Variants in OPN1LW observed in about 807,000 individuals in gnomAD.
OPN1LW encodes long-wave-sensitive opsin 1.
Under a neutral mutation model 18.1 loss-of-function variants are expected in OPN1LW, and 4 were observed. The observed-to-expected ratio is 0.22, with a 90% CI of 0.11 to 0.51. The LOEUF is 0.51. Ranked by LOEUF, OPN1LW falls within the 20% of genes least tolerant of loss-of-function variation. The probability of loss-of-function intolerance (pLI) is 0.97; values close to 1 mark genes in which losing one functional copy is unlikely to be tolerated. For missense variants in OPN1LW, 164 were observed against 234.9 expected (o/e 0.70, Z 1.97); for synonymous variants, 86 against 101.2 (o/e 0.85, Z 0.90).
intron 3 of OPN1LW, 134 bp from the exon 4 acceptor site, chrX:154,154,440 G>T: frequency 2.2e-6 from 1 of 458,082 alleles, no homozygotes; most frequent in Non-Finnish European, 3.8e-6. Context: ...ACTTCAAATT[G>T]GGTAATCTCA....
In OPN1LW at chrX:154,144,259, G is replaced by T; in HGVS notation, c.-25G>T. On this transcript the variant is annotated 5_prime_UTR_variant, in exon 1 of 6. Transcript: ENST00000369951. ...AGGTGATGCGCCAGGGCCGGCTGCC[G>T]TCGGGGACAGGGCTTTCCATAGCCA... 8.3e-7 allele frequency: 1 copy of T among 1,209,376 alleles called. No individual in the cohort carries two copies. The highest frequency in any genetic ancestry group is 1.1e-6 in the Non-Finnish European group (1 of 894,934).
chrX:154,150,873 C>T lies in OPN1LW; in HGVS notation c.330C>T (p.Ser110=). ...LAETVIASTI[S]IVNQVSGYFV... is the part of the protein sequence containing the mutation. ...AGACCGTCATCGCCAGCACTATCAGCATTGTGAACCAGGTCTCTGGCTACT... is the reference window on the plus strand; with the variant it reads ...AGACCGTCATCGCCAGCACTATCAGTATTGTGAACCAGGTCTCTGGCTACT... Residue 110 remains serine, a synonymous_variant, in exon 2 of 6, where the codon AGC becomes AGT. Coordinates refer to ENST00000369951, the MANE Select transcript of OPN1LW (RefSeq NM_020061.6). 1.7e-6 allele frequency: 2 copies of T among 1,195,335 alleles called. No individual in the cohort carries two copies. The highest frequency in any genetic ancestry group is 2.2e-5 in the Admixed American group (1 of 45,545).
rs121434621 is a variant in OPN1LW, at chrX:154,154,602, T to C, written c.607T>C (p.Cys203Arg). ...RYWPHGLKTS[C>R]GPDVFSGSSY... ...CTGGCCCCACGGCCTGAAGACTTCA[T>C]GCGGCCCAGACGTGTTCAGCGGCAG... is the stretch of plus-strand genomic sequence containing the variant. The change falls in exon 4 of 6, where the codon TGC becomes CGC. Residue 203 changes from cysteine (C) to arginine (R), a missense_variant. Coordinates refer to ENST00000369951, the MANE Select transcript of OPN1LW (RefSeq NM_020061.6). The C allele has an allele frequency of 8.5e-7, 1 of 1,180,190 alleles. No individual in the cohort carries two copies. Among genetic ancestry groups the C allele is most frequent in the Non-Finnish European group, 1.1e-6 (1 of 874,743 alleles).
rs782783784 is a variant in OPN1LW, at chrX:154,156,350, G to A, written c.801G>A (p.Thr267=). The change falls in exon 5 of 6, where the codon ACG becomes ACA. Residue 267 remains threonine, a synonymous_variant. Transcript: ENST00000369951. ...ESTQKAEKEV[T]RMVVVMIFAY... is the part of the protein sequence containing the mutation. ...CCCAGAAGGCAGAGAAGGAAGTGAC[G>A]CGCATGGTGGTGGTGATGATCTTTG... The A allele has an allele frequency of 5.8e-6, 7 of 1,200,924 alleles. No individual in the cohort carries two copies. Among genetic ancestry groups the A allele is most frequent in the Non-Finnish European group, 7.9e-6 (7 of 889,525 alleles).
intron 4 of OPN1LW, 148 bp downstream of exon 4, chrX:154,154,887 G>T: frequency 2.4e-6 from 1 of 413,998 alleles, no homozygotes; most frequent in Non-Finnish European, 4.0e-6. Context: ...TTAAGATCCA[G>T]CGATGAGAAT....
rs2067081259 is a variant in OPN1LW at position 154,154,884 on chromosome X, C to G, written c.744+145C>G. ...TACCCCTATAAGAAAATATTAAGAT[C>G]CAGCGATGAGAATCAGGTGATTCCT... On this transcript the variant is annotated intron_variant, in intron 4 of 5. Coordinates refer to ENST00000369951, the MANE Select transcript of OPN1LW (RefSeq NM_020061.6). 3 of 419,472 alleles carry G rather than the reference C, an allele frequency of 7.2e-6. No individual in the cohort carries two copies. The Admixed American group carries it at 1.2e-4, about 16-fold the overall frequency. The allele number at this position is 419,472 out of a possible 1,213,427, so 34.6% of individuals were successfully genotyped here. A position where few individuals can be genotyped will look rare whatever the true frequency, so the allele number is the denominator to read the frequency against.
chrX:154,150,569 G>C (rs1328989034), intron 1 of OPN1LW, 87 bp from the exon 2 acceptor site: 4 of 1,041,236 alleles, frequency 3.8e-6, no homozygotes, highest in East Asian at 6.3e-5. Flanking sequence ...GAGGGCGGAA[G>C]GGGGAGGGGA....
At chrX:154,148,144 C>T (rs1398463098) in intron 1 of OPN1LW, among the ~76,000 whole-genome samples, 7 of 101,452 alleles carry the variant, frequency 6.9e-5, no homozygotes, top group African/African-American at 2.2e-4. Flanking sequence ...GCAGGAGGAT[C>T]GCTTGAGCCC....
intron 1 of OPN1LW, 143 bp downstream of exon 1, chrX:154,144,538 T>TG (rs1262148538): frequency 2.5e-6 from 1 of 393,995 alleles, no homozygotes; most frequent in Non-Finnish European, 4.1e-6. Flanking sequence ...TGACATGAAT[T>TG]GGGGGGTCCT....
chrX:154,154,807 T>G, intron 4 of OPN1LW, 68 bp downstream of exon 4: 1 of 895,618 alleles, frequency 1.1e-6, no homozygotes, highest in Non-Finnish European at 1.6e-6. Flanking sequence ...CTCAAATGAG[T>G]CCACTGAGAC....
Position 154,144,412 on chromosome X carries a change from G to T in OPN1LW, c.112+17G>T, listed in dbSNP as rs782698416. 4 of 1,121,964 alleles carry T rather than the reference G, an allele frequency of 3.6e-6. No homozygotes were observed. The South Asian group carries it at 5.7e-5, about 16-fold the overall frequency. The allele number at this position is 1,121,964 out of a possible 1,213,427, so 92.5% of individuals were successfully genotyped here. A position where few individuals can be genotyped will look rare whatever the true frequency, so the allele number is the denominator to read the frequency against. ...CCACCAGAGGTGAGCCAGCAGGCCC[G>T]TGGAGGCTGGGTGGCTGCACTGGGG... On this transcript the variant is annotated intron_variant, in intron 1 of 5. Transcript: ENST00000369951.
In OPN1LW at chrX:154,154,699, T is replaced by C. The variant is rs2067080469; in HGVS notation, c.704T>C (p.Ile235Thr). ...VTCCIIPLAI[I>T]MLCYLQVWLA... ...TGCTGCATCATCCCACTCGCTATCA[T>C]CATGCTCTGCTACCTCCAAGTGTGG... Residue 235 changes from isoleucine to threonine, a missense_variant, in exon 4 of 6, where the codon ATC becomes ACC. Ile to Thr is a moderately conservative substitution (Grantham distance 89). Coordinates refer to ENST00000369951, the MANE Select transcript of OPN1LW (RefSeq NM_020061.6). 1 of 1,194,550 alleles carries C rather than the reference T, an allele frequency of 8.4e-7. No individual in the cohort carries two copies. Among genetic ancestry groups the C allele is most frequent in the Non-Finnish European group, 1.1e-6 (1 of 883,879 alleles).
intron 1 of OPN1LW, among the ~76,000 whole-genome samples, chrX:154,149,143 T>G (rs1557157264): frequency 9.8e-6 from 1 of 101,603 alleles, no homozygotes; most frequent in Non-Finnish European, 1.9e-5. Context: ...AGGCGGAGCT[T>G]GCAGTGAGCC....
chrX:154,148,118 T>C (rs1557157118), intron 1 of OPN1LW, among the ~76,000 whole-genome samples: 1 of 99,745 alleles, frequency 1.0e-5, no homozygotes, highest in Non-Finnish European at 1.9e-5. Flanking sequence ...TAGTCCCAGA[T>C]ACTCGAGAGG....
Position 154,145,744 on chromosome X carries a change from G to A in OPN1LW, c.112+1349G>A, listed in dbSNP as rs1414756648. Reference sequence around the variant, plus strand: ...CAGTGCACTCTTTTCAAATGTCGGGGTGGGTTTTTTTTTTTTCCACAAAAC... The same window carrying A: ...CAGTGCACTCTTTTCAAATGTCGGGATGGGTTTTTTTTTTTTCCACAAAAC... On this transcript the variant is annotated intron_variant, in intron 1 of 5. Coordinates refer to ENST00000369951, the MANE Select transcript of OPN1LW (RefSeq NM_020061.6). Among the ~76,000 whole-genome samples the A allele has an allele frequency of 2.7e-4, 27 of 99,441 alleles. 1 individual carries two copies. The highest frequency in any genetic ancestry group is 1.9e-3 in the Admixed American group (17 of 9,074). The allele number at this position is 99,441 out of a possible 115,157, so 86.4% of individuals were successfully genotyped here. A position where few individuals can be genotyped will look rare whatever the true frequency, so the allele number is the denominator to read the frequency against.
rs781860709 is a variant in OPN1LW at position 154,148,861 on chromosome X, T to A, written c.113-1795T>A. ...AGGATGAATGAGTCAAAGTCTCTGGTGAGAAAGACAAGACTTGTACTTGTG... is the reference window on the plus strand; with the variant it reads ...AGGATGAATGAGTCAAAGTCTCTGGAGAGAAAGACAAGACTTGTACTTGTG... On this transcript the variant is annotated intron_variant, in intron 1 of 5. Coordinates refer to ENST00000369951, the MANE Select transcript of OPN1LW (RefSeq NM_020061.6). Among the ~76,000 whole-genome samples the A allele has an allele frequency of 1.0e-4, 11 of 105,355 alleles. No individual in the cohort carries two copies. The South Asian group carries it at 3.7e-3, about 36-fold the overall frequency. The allele number at this position is 105,355 out of a possible 115,157, so 91.5% of individuals were successfully genotyped here. A position where few individuals can be genotyped will look rare whatever the true frequency, so the allele number is the denominator to read the frequency against.
chrX:154,156,443 C>G lies in OPN1LW; in HGVS notation c.894C>G (p.Ala298=). ...ACFAAANPGY[A]FHPLMAALPA... ...TTGCTGCTGCCAACCCTGGTTACGC[C>G]TTCCACCCTTTGATGGCTGCCCTGC... Residue 298 remains alanine, a synonymous_variant, in exon 5 of 6, where the codon GCC becomes GCG. Coordinates refer to ENST00000369951, the MANE Select transcript of OPN1LW (RefSeq NM_020061.6). 8.3e-7 allele frequency: 1 copy of G among 1,205,239 alleles called. No individual in the cohort carries two copies. Among genetic ancestry groups the G allele is most frequent in the Non-Finnish European group, 1.1e-6 (1 of 890,559 alleles).
chrX:154,149,616 T>C (rs1321072922), intron 1 of OPN1LW, among the ~76,000 whole-genome samples: 4 of 77,969 alleles, frequency 5.1e-5, no homozygotes, highest in African/African-American at 2.6e-4. Context: ...GATAAATTTA[T>C]TTCTCACAGC....
At chrX:154,156,090 C>T (rs1557157938) in intron 4 of OPN1LW, among the ~76,000 whole-genome samples, 1 of 42,326 alleles carries the variant, frequency 2.4e-5, no homozygotes, top group African/African-American at 9.0e-5. Context: ...TCTTAGGCCA[C>T]ACCTAGCTGC....
Sources: allele counts gnomAD v4.1 joint callset (sites outside exome capture counted in the v4.1 genomes callset), GRCh38; gene constraint gnomAD v4.1.1; transcripts MANE v1.5; gene names NCBI Gene and HGNC (gene_info 2026-07-23, HGNC 2026-07-21).